The following MTDH variants were observed in gnomAD, a reference collection of about 807,000 sequenced individuals.
The protein encoded by MTDH is metadherin.
A neutral mutation model predicts 72.7 loss-of-function variants in MTDH; 34 were observed. The observed-to-expected ratio is 0.47, with a 90% confidence interval of 0.36 to 0.62. The LOEUF is 0.62. Ranked by LOEUF, MTDH falls within the 20% of genes least tolerant of loss-of-function variation. The pLI is 0.00. For synonymous variants in MTDH, 266 were observed against 268.9 expected, an observed-to-expected ratio of 0.99 and a Z score of 0.10; for missense variants, 677 against 699.4, an observed-to-expected ratio of 0.97 and a Z score of 0.36.
At chr8:97,712,844 A>G (rs1268323124) in intron 8 of MTDH, among the ~76,000 whole-genome samples, 1 of 152,120 alleles carries the variant, frequency 6.6e-6, no homozygotes, top group East Asian at 1.9e-4. Flanking sequence ...ATGTCTGTTC[A>G]TGTCTTTTGC....
At position 97,724,760 on chromosome 8, in the gene MTDH, T is replaced by C. The variant is rs1815292507; in HGVS notation, c.*90T>C. The C allele has an allele frequency of 2.0e-6, 2 of 981,356 alleles. No individual in the cohort carries two copies. The highest frequency in any genetic ancestry group is 5.3e-5 in the East Asian group (2 of 37,462). The allele number at this position is 981,356 out of a possible 1,614,324, so 60.8% of individuals were successfully genotyped here. A position where few individuals can be genotyped will look rare whatever the true frequency, so the allele number is the denominator to read the frequency against. ...CAATAATTTGTGAACATGTACAGAG[T>C]TTTATATAAATTTAAACCAATTTTT... On this transcript the variant is annotated 3_prime_UTR_variant, in exon 12 of 12. Transcript: ENST00000336273.
intron 1 of MTDH, among the ~76,000 whole-genome samples, chr8:97,647,687 C>G (rs924249738): frequency 6.6e-6 from 1 of 152,194 alleles, no homozygotes; most frequent in Non-Finnish European, 1.5e-5. Context: ...TTCAGTGTAT[C>G]TTGTTTACAA....
intron 4 of MTDH, among the ~76,000 whole-genome samples, chr8:97,688,600 A>G (rs1029387748): frequency 6.6e-6 from 1 of 152,058 alleles, no homozygotes; most frequent in Non-Finnish European, 1.5e-5. Flanking sequence ...CTCTTGCCAT[A>G]TTTCCTAAGT....
chr8:97,675,810 TGCA>T (rs1489309469), intron 2 of MTDH, among the ~76,000 whole-genome samples: 3 of 151,668 alleles, frequency 2.0e-5, no homozygotes, highest in Admixed American at 2.0e-4. Flanking sequence ...AGGTAGAAGT[TGCA>T]GTGAGCCGAG....
chr8:97,698,316 G>A (rs984636002), intron 6 of MTDH, among the ~76,000 whole-genome samples: 4 of 152,230 alleles, frequency 2.6e-5, no homozygotes, highest in South Asian at 2.1e-4. Context: ...GTGTGCGCAC[G>A]CCTGATGGAA....
chr8:97,656,794 G>A (rs1811995836), intron 1 of MTDH, among the ~76,000 whole-genome samples: 1 of 151,514 alleles, frequency 6.6e-6, no homozygotes, highest in Non-Finnish European at 1.5e-5. Context: ...GAGGCCAGGA[G>A]TTCTAGAACA....
At chr8:97,683,569 T>C (rs527778261) in intron 2 of MTDH, among the ~76,000 whole-genome samples, 1 of 151,696 alleles carries the variant, frequency 6.6e-6, no homozygotes, top group South Asian at 2.1e-4. Context: ...TGATTTTTTT[T>C]TTTTAAGAGA....
chr8:97,667,647 GT>G (rs1812444632), intron 2 of MTDH, among the ~76,000 whole-genome samples: 1 of 152,082 alleles, frequency 6.6e-6, no homozygotes, highest in Non-Finnish European at 1.5e-5. Context: ...AAGGAAGCTG[GT>G]AGTATTTGTT....
At chr8:97,650,534 C>T (rs745818195) in intron 1 of MTDH, among the ~76,000 whole-genome samples, 57 of 152,098 alleles carry the variant, frequency 3.7e-4, no homozygotes, top group Non-Finnish European at 7.1e-4. Flanking sequence ...CTAGGCCTCC[C>T]AAAGTGCTGG....
intron 2 of MTDH, among the ~76,000 whole-genome samples, chr8:97,672,626 G>C (rs1157114706): frequency 6.6e-6 from 1 of 152,168 alleles, no homozygotes; most frequent in East Asian, 1.9e-4. Flanking sequence ...GCCCCAGTCA[G>C]TCATTTTTCC....
chr8:97,709,941 C>T (rs780161129), intron 8 of MTDH, among the ~76,000 whole-genome samples: 3 of 152,040 alleles, frequency 2.0e-5, no homozygotes, highest in South Asian at 2.1e-4. Context: ...AGTATTTTGC[C>T]GTGGGAAACT....
intron 9 of MTDH, among the ~76,000 whole-genome samples, chr8:97,717,967 C>G (rs1814943073): frequency 6.6e-6 from 1 of 152,118 alleles, no homozygotes; most frequent in Non-Finnish European, 1.5e-5. Context: ...CCAGACTGGT[C>G]TTGAACTCCT....
At chr8:97,709,090 C>G (rs1473778760) in intron 8 of MTDH, among the ~76,000 whole-genome samples, 1 of 151,230 alleles carries the variant, frequency 6.6e-6, no homozygotes, top group African/African-American at 2.4e-5. Context: ...ACTCATGAGG[C>G]TGACTGAGGC....
At chr8:97,720,533 G>A (rs183639064) in intron 10 of MTDH, among the ~76,000 whole-genome samples, 58 of 151,832 alleles carry the variant, frequency 3.8e-4, no homozygotes, top group Admixed American at 5.9e-4. Flanking sequence ...CTGTAATTGC[G>A]CCACTGCACT....
intron 2 of MTDH, among the ~76,000 whole-genome samples, chr8:97,672,963 A>T (rs1255600487): frequency 6.6e-6 from 1 of 152,170 alleles, no homozygotes; most frequent in Non-Finnish European, 1.5e-5. Flanking sequence ...ATGTATACAA[A>T]TATAGTAGCT....
chr8:97,670,870 C>A (rs928833161), intron 2 of MTDH, among the ~76,000 whole-genome samples: 7 of 152,042 alleles, frequency 4.6e-5, no homozygotes, highest in African/African-American at 1.7e-4. Context: ...GATTCTCCTG[C>A]CTCAGCCCCC....
intron 2 of MTDH, among the ~76,000 whole-genome samples, chr8:97,674,728 C>CT (rs1230245062): frequency 6.6e-6 from 1 of 151,960 alleles, no homozygotes; most frequent in African/African-American, 2.4e-5. Context: ...AAATAGAACA[C>CT]TTTTTTCCAT....
At chr8:97,722,431 C>G (rs1191109572) in intron 10 of MTDH, among the ~76,000 whole-genome samples, 1 of 152,006 alleles carries the variant, frequency 6.6e-6, no homozygotes, top group Non-Finnish European at 1.5e-5. Flanking sequence ...GAAACCTTGT[C>G]TCTACTAAAA....
chr8:97,688,197 A>C (rs1813441098), intron 4 of MTDH, among the ~76,000 whole-genome samples: 1 of 152,126 alleles, frequency 6.6e-6, no homozygotes, highest in African/African-American at 2.4e-5. Flanking sequence ...AATTACCGTC[A>C]TTTTTACCCT....
Sources: gnomAD v4.1 joint callset for allele counts (sites outside exome capture counted in the v4.1 genomes callset) on GRCh38, gnomAD v4.1.1 for gene constraint, MANE v1.5 for transcripts, NCBI Gene and HGNC (gene_info 2026-07-23, HGNC 2026-07-21) for gene names.